The following ABCA13 variants were observed in gnomAD, a reference collection of about 807,000 sequenced individuals.
ABCA13 encodes the protein ATP-binding cassette sub-family A member 13.
Under a neutral mutation model 478.7 loss-of-function variants are expected in ABCA13, and 476 were observed. The observed-to-expected ratio is 0.99, with a 90% CI of 0.92 to 1.07. The LOEUF is 1.07. Ranked by LOEUF, ABCA13 falls within the 50% of genes least tolerant of loss-of-function variation. ABCA13 has a pLI of 0.00. For synonymous variants in ABCA13, 2,252 were observed against 2,158.9 expected (o/e 1.04, Z -1.20); for missense variants, 6,060 against 5,910.6 (o/e 1.03, Z -0.83).
At chr7:48,375,603 T>C (rs952430982) in intron 34 of ABCA13, among the ~76,000 whole-genome samples, 2 of 151,960 alleles carry the variant, frequency 1.3e-5, no homozygotes, top group African/African-American at 4.8e-5. Flanking sequence ...TAGATATTTG[T>C]ATGGTTTTTT....
intron 39 of ABCA13, among the ~76,000 whole-genome samples, chr7:48,407,603 C>G (rs904654114): frequency 1.3e-5 from 2 of 151,908 alleles, no homozygotes; most frequent in African/African-American, 4.8e-5. Context: ...GTCTCTTAGG[C>G]TGGAGCCCAA....
At position 48,272,023 on chromosome 7, in the gene ABCA13, C is replaced by G; in HGVS notation, c.2357C>G (p.Ser786Cys). 1.2e-6 allele frequency: 2 copies of G among 1,613,734 alleles called. No individual in the cohort carries two copies. Among genetic ancestry groups the G allele is most frequent in the Non-Finnish European group, 1.7e-6 (2 of 1,179,744 alleles). The change falls in exon 17 of 62, where the codon TCT (serine) becomes TGT (cysteine). Residue 786 changes from serine (S) to cysteine (C), a missense_variant. Physicochemically the swap from Ser to Cys is moderately radical, Grantham distance 112. This residue lies in a region of ABCA13 where 4,423 missense variants were observed against 4,309.1 expected (regional missense o/e 1.03). Transcript: ENST00000435803. ...NHLKSLKRDP[S>C]ATDAQKLLEF... ...TTAAAAAGTTTAAAGAGAGACCCAT[C>G]TGCCACTGATGCTCAGAAACTCTTG... is the stretch of plus-strand genomic sequence containing the variant.
chr7:48,512,503 C>T (rs979291782), intron 51 of ABCA13, among the ~76,000 whole-genome samples: 6 of 151,982 alleles, frequency 3.9e-5, no homozygotes, highest in African/African-American at 1.5e-4. Flanking sequence ...TGTGTGTGTA[C>T]CCAGCTCTAA....
chr7:48,329,691 A>G (rs1240127478), intron 27 of ABCA13, among the ~76,000 whole-genome samples: 2 of 151,918 alleles, frequency 1.3e-5, no homozygotes, highest in Non-Finnish European at 2.9e-5. Context: ...CCATAAAATC[A>G]TTCATTTATC....
intron 5 of ABCA13, 55 bp downstream of exon 5, chr7:48,221,364 T>C: frequency 1.2e-6 from 1 of 821,942 alleles, no homozygotes; most frequent in Non-Finnish European, 1.9e-6. Flanking sequence ...AATGGTTAAG[T>C]TTACAACACT....
At chr7:48,194,377 GTGT>G (rs545305027) in intron 2 of ABCA13, among the ~76,000 whole-genome samples, 5 of 149,316 alleles carry the variant, frequency 3.3e-5, no homozygotes, top group South Asian at 2.1e-4. Flanking sequence ...AGTGATGATG[GTGT>G]TGTTGGTGAT....
rs534539314 is a variant in ABCA13, at chr7:48,343,218, C to T, written c.10204+4763C>T. On this transcript the variant is annotated intron_variant, in intron 29 of 61. Coordinates refer to ENST00000435803, the MANE Select transcript of ABCA13 (RefSeq NM_152701.5). ...AATAAATTTGAGTCTCCTGATAGTG[C>T]TATATTCCTCTAGATAATGTTATTT... 6.0e-4 allele frequency among the ~76,000 whole-genome samples: 91 copies of T among 152,084 alleles called. 2 individuals are homozygous for T. The South Asian group carries it at 0.018, about 30-fold the overall frequency.
chr7:48,555,405 G>T (rs181627074), intron 55 of ABCA13, among the ~76,000 whole-genome samples: 1 of 151,932 alleles, frequency 6.6e-6, no homozygotes, highest in African/African-American at 2.4e-5. Context: ...AGTAGGATTG[G>T]TATTAATTTG....
chr7:48,226,549 T>A (rs1788232602), intron 5 of ABCA13, among the ~76,000 whole-genome samples: 1 of 152,192 alleles, frequency 6.6e-6, no homozygotes, highest in African/African-American at 2.4e-5. Flanking sequence ...CAGGACTCAC[T>A]TTTATTGAAG....
At position 48,387,825 on chromosome 7, in the gene ABCA13, C is replaced by G; in HGVS notation, c.11339C>G (p.Thr3780Arg). ...TTTTAATTGTTTCATTTTTTAGGAACATTTGGTTTACGGAAACCATGGTAT... is the reference window on the plus strand; with the variant it reads ...TTTTAATTGTTTCATTTTTTAGGAAGATTTGGTTTACGGAAACCATGGTAT... Reference protein sequence around the residue: ...GWYLSNLIPGTFGLRKPWYFP... With the variant: ...GWYLSNLIPGRFGLRKPWYFP... The change falls in exon 36 of 62, where the codon ACA becomes AGA. Residue 3780 changes from threonine (T) to arginine (R), a missense_variant. Physicochemically the swap from Thr to Arg is moderately conservative, Grantham distance 71. Transcript: ENST00000435803. The G allele has an allele frequency of 6.4e-7, 1 of 1,569,068 alleles. No homozygotes were observed.
At chr7:48,638,962 G>C (rs1794900841) in intron 59 of ABCA13, among the ~76,000 whole-genome samples, 1 of 152,126 alleles carries the variant, frequency 6.6e-6, no homozygotes, top group Admixed American at 6.5e-5. Context: ...CCATTCCCTT[G>C]GAGTTGTGTG....
At chr7:48,314,892 CA>C (rs1235613114) in intron 26 of ABCA13, among the ~76,000 whole-genome samples, 1 of 152,086 alleles carries the variant, frequency 6.6e-6, no homozygotes, top group Non-Finnish European at 1.5e-5. Context: ...ACGATAGGTA[CA>C]AATGAATATG....
rs368949609 is a variant in ABCA13, at chr7:48,638,241, T to C, written c.14838-5047T>C. On this transcript the variant is annotated intron_variant, in intron 59 of 61. Coordinates refer to ENST00000435803, the MANE Select transcript of ABCA13 (RefSeq NM_152701.5). Reference sequence around the variant, plus strand: ...GAAGCTGACATGGCCTCCGGAGTTCTGAGACAGTTCTGTTGGCCTTTCCTG... The same window carrying C: ...GAAGCTGACATGGCCTCCGGAGTTCCGAGACAGTTCTGTTGGCCTTTCCTG... Among the ~76,000 whole-genome samples the C allele has an allele frequency of 6.6e-5, 10 of 152,340 alleles. No individual in the cohort carries two copies. In the East Asian group the frequency reaches 1.7e-3, roughly 26 times the overall value.
At chr7:48,211,783 G>T (rs1283880109) in intron 3 of ABCA13, among the ~76,000 whole-genome samples, 2 of 152,008 alleles carry the variant, frequency 1.3e-5, no homozygotes, top group Non-Finnish European at 1.5e-5. Flanking sequence ...TGGAATCAGG[G>T]GCTTCAGAAA....
Position 48,392,054 on chromosome 7 carries a change from C to T in ABCA13, c.11788C>T (p.Leu3930Phe), listed in dbSNP as rs776834953. The part of the protein sequence containing the change: ...CPQQDILLDN[L>F]TVREHLLLFA... ...GCAGCAGGACATCCTGTTGGACAAC[C>T]TCACCGTCCGGGAACATTTGCTGCT... is the stretch of plus-strand genomic sequence containing the variant. Residue 3930 changes from leucine (L) to phenylalanine (F), a missense_variant, in exon 38 of 62, where the codon CTC becomes TTC. Coordinates refer to ENST00000435803, the MANE Select transcript of ABCA13 (RefSeq NM_152701.5). 4.1e-5 allele frequency: 66 copies of T among 1,613,882 alleles called. No individual in the cohort carries two copies. Among genetic ancestry groups the T allele is most frequent in the Non-Finnish European group, 5.2e-5 (61 of 1,179,902 alleles).
chr7:48,260,255 CTG>C (rs1401576005), intron 15 of ABCA13, among the ~76,000 whole-genome samples: 1 of 151,944 alleles, frequency 6.6e-6, no homozygotes, highest in East Asian at 1.9e-4. Flanking sequence ...GTTTCTTTAA[CTG>C]TGTTGTAATT....
intron 41 of ABCA13, among the ~76,000 whole-genome samples, chr7:48,421,455 G>A (rs918228981): frequency 1.3e-5 from 2 of 152,150 alleles, no homozygotes; most frequent in African/African-American, 2.4e-5. Flanking sequence ...TACTCAATGA[G>A]TTACAATTCA....
At chr7:48,404,028 G>T (rs965351518) in intron 39 of ABCA13, 149 bp downstream of exon 39, 2 of 936,396 alleles carry the variant, frequency 2.1e-6, no homozygotes, top group Non-Finnish European at 3.3e-6. Context: ...CACTTATAGG[G>T]ATATATTCGT....
chr7:48,377,733 TTAAGAAA>T (rs1370920724), intron 35 of ABCA13, among the ~76,000 whole-genome samples: 2 of 152,054 alleles, frequency 1.3e-5, no homozygotes, highest in Non-Finnish European at 2.9e-5. Flanking sequence ...AAAATAAAAC[TTAAGAAA>T]TAAGATTCTA....
Sources: gnomAD v4.1 joint callset for allele counts (sites outside exome capture counted in the v4.1 genomes callset) on GRCh38, gnomAD v4.1.1 for gene constraint, gnomAD v4.1.1 regional missense constraint, MANE v1.5 for transcripts, NCBI Gene and HGNC (gene_info 2026-07-23, HGNC 2026-07-21) for gene names.